PTP4A3: variants seen among roughly 807,000 people sequenced by gnomAD.
PTP4A3 encodes the protein protein tyrosine phosphatase 4A3.
A neutral mutation model predicts 15.2 loss-of-function variants in PTP4A3; 9 were observed. The observed-to-expected ratio is 0.59, with a 90% CI of 0.36 to 1.03. PTP4A3 has a LOEUF of 1.03. PTP4A3 is among the 50% of genes least tolerant of loss of function. The probability of loss-of-function intolerance (pLI) is 0.02; values close to 1 mark genes in which losing one functional copy is unlikely to be tolerated. For synonymous variants in PTP4A3, 95 were observed against 102.0 expected (o/e 0.93, Z 0.41); for missense variants, 234 against 252.1 (o/e 0.93, Z 0.49).
In PTP4A3 at chr8:141,397,123, C is replaced by T. The variant is rs1255015606; in HGVS notation, c.-854+5039C>T. 3.9e-5 allele frequency among the ~76,000 whole-genome samples: 6 copies of T among 152,208 alleles called. No individual in the cohort carries two copies. In the South Asian group the frequency reaches 1.0e-3, roughly 26 times the overall value. ...TTGGCTCTAGCCACCTCCTCAGGGC[C>T]AGAGCGGCTCCTGGAGCCGGAGTGA... On this transcript the variant is annotated intron_variant, in intron 1 of 5. Coordinates refer to ENST00000521578, the MANE Select transcript of PTP4A3 (RefSeq NM_032611.3).
chr8:141,395,384 C>T (rs1832419363), intron 1 of PTP4A3, among the ~76,000 whole-genome samples: 1 of 152,222 alleles, frequency 6.6e-6, no homozygotes, highest in South Asian at 2.1e-4. Flanking sequence ...CGCTTCCCGC[C>T]AGGCACGTGC....
At chr8:141,424,533 C>T (rs569681762) in intron 2 of PTP4A3, among the ~76,000 whole-genome samples, 5 of 152,036 alleles carry the variant, frequency 3.3e-5, no homozygotes, top group African/African-American at 4.8e-5. Context: ...TGCAGGGGCT[C>T]ACACGTGGGC....
At chr8:141,419,553 G>A (rs995463938) in intron 1 of PTP4A3, among the ~76,000 whole-genome samples, 4 of 150,086 alleles carry the variant, frequency 2.7e-5, no homozygotes, top group African/African-American at 7.4e-5. Context: ...TCCTTCTGGG[G>A]GTCCCACCCC....
chr8:141,428,602 C>T (rs1252867798), intron 5 of PTP4A3, among the ~76,000 whole-genome samples: 1 of 152,166 alleles, frequency 6.6e-6, no homozygotes, highest in African/African-American at 2.4e-5. Flanking sequence ...CCCTGTGGGT[C>T]TGTGTGAGAG....
chr8:141,420,565 GGT>G (rs1318265851), intron 1 of PTP4A3, among the ~76,000 whole-genome samples: 7 of 152,202 alleles, frequency 4.6e-5, no homozygotes, highest in Non-Finnish European at 8.8e-5. Flanking sequence ...GCCCTGTCAT[GGT>G]GTGAACCCAC....
chr8:141,423,582 C>T (rs990388288), intron 2 of PTP4A3, among the ~76,000 whole-genome samples: 1 of 147,260 alleles, frequency 6.8e-6, no homozygotes, highest in Non-Finnish European at 1.5e-5. Context: ...AAGGTTGGGA[C>T]TCAGTGTGTG....
At chr8:141,420,998 T>C (rs973991406) in intron 1 of PTP4A3, among the ~76,000 whole-genome samples, 1 of 152,132 alleles carries the variant, frequency 6.6e-6, no homozygotes, top group Non-Finnish European at 1.5e-5. Context: ...TCACAGCAGG[T>C]GGGCAGGGGC....
At chr8:141,430,820 AG>A (rs1833836657) in intron 5 of PTP4A3, 106 bp from the exon 6 acceptor site, 1 of 1,059,136 alleles carries the variant, frequency 9.4e-7, no homozygotes, top group African/African-American at 1.6e-5. Context: ...GCCAGCCTCA[AG>A]GCCTTACTCC....
intron 1 of PTP4A3, among the ~76,000 whole-genome samples, chr8:141,413,024 G>T (rs1353102153): frequency 6.6e-6 from 1 of 152,180 alleles, no homozygotes; most frequent in Non-Finnish European, 1.5e-5. Flanking sequence ...AGCCTCCTCC[G>T]GCCAGCAGGA....
intron 1 of PTP4A3, among the ~76,000 whole-genome samples, chr8:141,395,915 T>C (rs1221216405): frequency 6.6e-6 from 1 of 152,166 alleles, no homozygotes; most frequent in Non-Finnish European, 1.5e-5. Flanking sequence ...GGAGTGGAAA[T>C]GCAGCACAGT....
rs1481687561 is a variant in PTP4A3, at chr8:141,429,939, CTGGTGG to C, written c.405-987_405-982del. On this transcript the variant is annotated intron_variant, in intron 5 of 5. Coordinates refer to ENST00000521578, the MANE Select transcript of PTP4A3 (RefSeq NM_032611.3). ...CAGTCCGGGTCCCCGCTGTAAGGAC[CTGGTGG>C]CGGGGACAGGGTGAGCGCACAGCCC... is the stretch of plus-strand genomic sequence containing the variant. Among the ~76,000 whole-genome samples the C allele has an allele frequency of 7.7e-5, 6 of 77,846 alleles. 1 individual carries two copies. Among genetic ancestry groups the C allele is most frequent in the Admixed American group, 1.2e-4 (1 of 8,342 alleles). 51.1% of individuals were successfully genotyped at this position (77,846 alleles called of 152,430 possible).
chr8:141,396,604 C>CA (rs1363684966), intron 1 of PTP4A3, among the ~76,000 whole-genome samples: 1 of 152,118 alleles, frequency 6.6e-6, no homozygotes, highest in Non-Finnish European at 1.5e-5. Context: ...GAGCTGGCGC[C>CA]AAGTGGAGCA....
At chr8:141,422,942 C>A (rs762049033) in intron 2 of PTP4A3, among the ~76,000 whole-genome samples, 1 of 152,204 alleles carries the variant, frequency 6.6e-6, no homozygotes, top group Non-Finnish European at 1.5e-5. Flanking sequence ...GAGTCTGGAG[C>A]GACCTGCATG....
In PTP4A3 at chr8:141,422,133, A is replaced by T. The variant is rs1586560585; in HGVS notation, c.-108A>T. On this transcript the variant is annotated 5_prime_UTR_variant, in exon 2 of 6. Coordinates refer to ENST00000521578, the MANE Select transcript of PTP4A3 (RefSeq NM_032611.3). ...AATCTCGTTTCTCTTGGACAAGCAC[A>T]GGGATCTCGTTCTCCTCATTTTTTG... The T allele has an allele frequency of 9.7e-7, 1 of 1,028,376 alleles. No individual in the cohort carries two copies. Among genetic ancestry groups the T allele is most frequent in the Admixed American group, 2.0e-5 (1 of 50,576 alleles). The allele number at this position is 1,028,376 out of a possible 1,614,324, so 63.7% of individuals were successfully genotyped here. A position where few individuals can be genotyped will look rare whatever the true frequency, so the allele number is the denominator to read the frequency against.
intron 3 of PTP4A3, chr8:141,426,631 G>A: frequency 2.0e-6 from 2 of 985,460 alleles, no homozygotes; most frequent in Non-Finnish European, 2.4e-6. Flanking sequence ...GCTGACAGGT[G>A]TGGGGATTAG....
chr8:141,414,459 G>A (rs112401604), intron 1 of PTP4A3, among the ~76,000 whole-genome samples: 149 of 152,186 alleles, frequency 9.8e-4, no homozygotes, highest in African/African-American at 3.2e-3. Flanking sequence ...GAGGTGGCCC[G>A]GTAGGGAGAG....
chr8:141,420,085 G>C (rs569626631), intron 1 of PTP4A3, among the ~76,000 whole-genome samples: 228 of 152,302 alleles, frequency 1.5e-3, no homozygotes, highest in African/African-American at 5.2e-3. Flanking sequence ...CAAGGGCCCA[G>C]CCTGCCTGGT....
At chr8:141,419,398 T>G (rs924567852) in intron 1 of PTP4A3, among the ~76,000 whole-genome samples, 3 of 152,208 alleles carry the variant, frequency 2.0e-5, no homozygotes, top group Non-Finnish European at 2.9e-5. Flanking sequence ...AGGGACATCC[T>G]GCTGCCCCAA....
chr8:141,415,864 T>G (rs1833031620), intron 1 of PTP4A3, among the ~76,000 whole-genome samples: 1 of 149,402 alleles, frequency 6.7e-6, no homozygotes, highest in Non-Finnish European at 1.5e-5. Context: ...CCTGGAGGAC[T>G]CCGGGAAGGC....
Sources: allele counts gnomAD v4.1 joint callset (sites outside exome capture counted in the v4.1 genomes callset), GRCh38; gene constraint gnomAD v4.1.1; transcripts MANE v1.5; gene names NCBI Gene and HGNC (gene_info 2026-07-23, HGNC 2026-07-21).